Variants in DSCAML1 observed in about 807,000 individuals in gnomAD.
DSCAML1 encodes cell adhesion molecule DSCAML1.
Under a neutral mutation model 200.5 loss-of-function variants are expected in DSCAML1, and 38 were observed. That is an observed-to-expected ratio of 0.19 (90% CI 0.15 to 0.25). DSCAML1 has a LOEUF of 0.25. Among genes scored for constraint, DSCAML1 ranks in the 10% least tolerant of loss-of-function variants. The pLI, the probability that DSCAML1 is intolerant of heterozygous loss-of-function variation, is 1.00. For missense variants in DSCAML1, 2,223 were observed against 2,858.8 expected (o/e 0.78, Z 5.07); for synonymous variants, 1,215 against 1,165.0 (o/e 1.04, Z -0.87).
chr11:117,463,066 C>T lies in DSCAML1; in HGVS notation c.3266-1470G>A, dbSNP rs1246137570. On this transcript the variant is annotated intron_variant, in intron 17 of 32. Coordinates refer to ENST00000651296, the MANE Select transcript of DSCAML1 (RefSeq NM_020693.4). The surrounding 1 kb of genome is among the most constrained non-coding windows in gnomAD (Gnocchi z 4.0). ...TAGGTGGGGCAGGCTGGCCTCGGCT[C>T]AGCACGACTGTTCCCTGGACACACC... Among the ~76,000 whole-genome samples the T allele has an allele frequency of 6.6e-6, 1 of 152,192 alleles. No homozygotes were observed. Among genetic ancestry groups the T allele is most frequent in the Non-Finnish European group, 1.5e-5 (1 of 68,044 alleles).
At chr11:117,670,789 G>C (rs2053089856) in intron 3 of DSCAML1, among the ~76,000 whole-genome samples, 1 of 152,152 alleles carries the variant, frequency 6.6e-6, no homozygotes, top group Admixed American at 6.5e-5. Context: ...AATCCATTAA[G>C]ACTTTGGGCA....
intron 8 of DSCAML1, among the ~76,000 whole-genome samples, chr11:117,508,006 C>G (rs933593154): frequency 1.3e-5 from 2 of 152,112 alleles, no homozygotes; most frequent in African/African-American, 4.8e-5. Flanking sequence ...TTGTTGGGCC[C>G]CTGCTGACCC....
chr11:117,437,871 C>T lies in DSCAML1; in HGVS notation c.4432+24G>A. 1 of 1,587,352 alleles carries T rather than the reference C, an allele frequency of 6.3e-7. No individual in the cohort carries two copies. On this transcript the variant is annotated intron_variant, in intron 25 of 32. Transcript: ENST00000651296. This position sits in a 1 kb window ranked among gnomAD's most constrained non-coding sequence, Gnocchi z 5.3. ...CCTCCCTGGGCCCATCGCTCCTTCC[C>T]TGCCCCAGTGGCCTGGGCCTCACCC...
At position 117,430,785 on chromosome 11, in the gene DSCAML1, T is replaced by C; in HGVS notation, c.5623A>G (p.Lys1875Glu). ...TTGCCCCGGTCCGCATCCTGGGGCTTGGGTGGTGAGGCGGTAAAGCGGCAG... is the reference window on the plus strand; with the variant it reads ...TTGCCCCGGTCCGCATCCTGGGGCTCGGGTGGTGAGGCGGTAAAGCGGCAG... ...GICRFTASPPKPQDADRGKNV... is the reference protein window; with the variant it reads ...GICRFTASPPEPQDADRGKNV... The change falls in exon 32 of 33, where the codon AAG (lysine) becomes GAG (glutamate). Residue 1875 changes from lysine (K) to glutamate (E), a missense_variant. Transcript: ENST00000651296. 6.2e-7 allele frequency: 1 copy of C among 1,614,034 alleles called. No individual in the cohort carries two copies. Among genetic ancestry groups the C allele is most frequent in the Non-Finnish European group, 8.5e-7 (1 of 1,180,000 alleles).
intron 11 of DSCAML1, among the ~76,000 whole-genome samples, chr11:117,482,580 C>T (rs2048951239): frequency 6.6e-6 from 1 of 152,142 alleles, no homozygotes; most frequent in African/African-American, 2.4e-5. Context: ...CGTATAATTG[C>T]TGTCTTATAT....
rs1413374064 is a variant in DSCAML1, at chr11:117,518,526, G to A, written c.1450C>T (p.Arg484Trp). The A allele has an allele frequency of 3.7e-6, 6 of 1,614,072 alleles. No individual in the cohort carries two copies. Among genetic ancestry groups the A allele is most frequent in the South Asian group, 1.1e-5 (1 of 91,088 alleles). The change falls in exon 7 of 33, where the codon CGG becomes TGG. Residue 484 changes from arginine (R) to tryptophan (W), a missense_variant. This residue lies in a region of DSCAML1 where 579 missense variants were observed against 721.5 expected (regional missense o/e 0.80). Transcript: ENST00000651296. The surrounding 1 kb of genome is among the most constrained non-coding windows in gnomAD (Gnocchi z 6.3). ...GPQIRDGGVY[R>W]CTARNLVGSA... ...CCCACCAAGTTCCGCGCTGTGCACCGGTACACGCCCCCGTCGCGGATCTGG... is the reference window on the plus strand; with the variant it reads ...CCCACCAAGTTCCGCGCTGTGCACCAGTACACGCCCCCGTCGCGGATCTGG...
intron 3 of DSCAML1, among the ~76,000 whole-genome samples, chr11:117,768,025 T>C (rs755840125): frequency 6.6e-6 from 1 of 152,128 alleles, no homozygotes; most frequent in Non-Finnish European, 1.5e-5. Context: ...TCCTCACCTG[T>C]AAAATGGGCA....
Position 117,437,353 on chromosome 11 carries a change from G to A in DSCAML1, c.4489C>T (p.Arg1497Trp), listed in dbSNP as rs754844104. The change falls in exon 26 of 33, where the codon CGG (arginine) becomes TGG (tryptophan). Residue 1497 changes from arginine to tryptophan, a missense_variant. By Grantham distance (101) the Arg-to-Trp change is moderately radical. Around this residue, in one of 7 missense-constraint regions of DSCAML1, gnomAD observed 614 missense variants for 739.1 expected, o/e 0.83. Coordinates refer to ENST00000651296, the MANE Select transcript of DSCAML1 (RefSeq NM_020693.4). The surrounding 1 kb of genome is among the most constrained non-coding windows in gnomAD (Gnocchi z 5.3). ...LFTHINSTHA[R>W]LNLQGWNNGG... ...TTGTTCCAGCCCTGCAGGTTAAGCCGAGCATGCGTGGAGTTGATGTGGGTG... is the reference window on the plus strand; with the variant it reads ...TTGTTCCAGCCCTGCAGGTTAAGCCAAGCATGCGTGGAGTTGATGTGGGTG... 3 of 1,614,236 alleles carry A rather than the reference G, an allele frequency of 1.9e-6. No homozygotes were observed. Among genetic ancestry groups the A allele is most frequent in the East Asian group, 2.2e-5 (1 of 44,882 alleles).
chr11:117,479,582 T>G (rs1247018933), intron 14 of DSCAML1, among the ~76,000 whole-genome samples: 1 of 152,138 alleles, frequency 6.6e-6, no homozygotes, highest in Non-Finnish European at 1.5e-5. Flanking sequence ...CGCCCCACAG[T>G]GCCTCACAGT....
At chr11:117,733,747 G>A (rs114096085) in intron 3 of DSCAML1, among the ~76,000 whole-genome samples, 1,649 of 149,258 alleles carry the variant, frequency 0.011, 34 homozygotes, top group African/African-American at 0.037. Flanking sequence ...TCTGGGCCTC[G>A]AATCTCAGGA....
rs374827764 is a variant in DSCAML1 at position 117,797,199 on chromosome 11, T to A, written c.-120A>T. ...CTCGGCGCCCCGCTCTCTCTGCTCC[T>A]CAGCCCAGCGCTCGGCTGCGGCGGC... On this transcript the variant is annotated 5_prime_UTR_variant, in exon 1 of 33. Coordinates refer to ENST00000651296, the MANE Select transcript of DSCAML1 (RefSeq NM_020693.4). 5 of 1,536,430 alleles carry A rather than the reference T, an allele frequency of 3.3e-6. No homozygotes were observed. In the African/African-American group the frequency reaches 5.7e-5, roughly 18 times the overall value.
chr11:117,497,055 C>T (rs2049302485), intron 11 of DSCAML1, among the ~76,000 whole-genome samples: 1 of 152,196 alleles, frequency 6.6e-6, no homozygotes, highest in South Asian at 2.1e-4. Flanking sequence ...CAAAAGCCTA[C>T]AGCTTCTGAA....
chr11:117,629,685 G>A (rs1485698443), intron 3 of DSCAML1, among the ~76,000 whole-genome samples: 1 of 152,110 alleles, frequency 6.6e-6, no homozygotes, highest in Non-Finnish European at 1.5e-5. Flanking sequence ...GAGGAAGTGA[G>A]AGAGAAAGAC....
At chr11:117,707,292 G>T (rs903650726) in intron 3 of DSCAML1, among the ~76,000 whole-genome samples, 1 of 152,224 alleles carries the variant, frequency 6.6e-6, no homozygotes, top group Non-Finnish European at 1.5e-5. Context: ...CTGGAAGCCA[G>T]AAATATGGTG....
intron 3 of DSCAML1, among the ~76,000 whole-genome samples, chr11:117,637,344 ATTTTTTT>A (rs36023662): frequency 7.2e-6 from 1 of 139,022 alleles, no homozygotes; most frequent in Admixed American, 7.3e-5. Flanking sequence ...GTGCTCAATA[ATTTTTTT>A]TTTTTTTTTT....
chr11:117,784,013 A>G (rs1472911560), intron 1 of DSCAML1, among the ~76,000 whole-genome samples: 1 of 152,206 alleles, frequency 6.6e-6, no homozygotes, highest in Non-Finnish European at 1.5e-5. Context: ...AGCCAAGGAC[A>G]CAAGGTTCCC....
intron 1 of DSCAML1, among the ~76,000 whole-genome samples, chr11:117,805,677 G>C (rs1284205989): frequency 6.6e-6 from 1 of 152,080 alleles, no homozygotes; most frequent in East Asian, 1.9e-4. Flanking sequence ...ACTGTTTCTG[G>C]TCCACACCTG....
rs138439013 is a variant in DSCAML1 at position 117,680,871 on chromosome 11, C to T, written c.511+95920G>A. On this transcript the variant is annotated intron_variant, in intron 3 of 32. Transcript: ENST00000651296. ...GCAGTGAGAACAGCAGTGACAGCTG[C>T]GGTGACAACCCAGGGGAAGAAGATC... 4.4e-3 allele frequency among the ~76,000 whole-genome samples: 674 copies of T among 152,266 alleles called. 4 individuals are homozygous for T. The highest frequency in any genetic ancestry group is 0.015 in the African/African-American group (639 of 41,534).
chr11:117,644,664 C>T (rs1450244758), intron 3 of DSCAML1, among the ~76,000 whole-genome samples: 1 of 152,218 alleles, frequency 6.6e-6, no homozygotes, highest in South Asian at 2.1e-4. Flanking sequence ...GAGGGGGAGC[C>T]GCGGAGTCCG....
Sources: allele counts gnomAD v4.1 joint callset (sites outside exome capture counted in the v4.1 genomes callset), GRCh38; gene constraint gnomAD v4.1.1; regional missense constraint gnomAD v4.1.1; non-coding constraint Gnocchi (gnomAD v3.1); transcripts MANE v1.5; gene names NCBI Gene and HGNC (gene_info 2026-07-23, HGNC 2026-07-21).